The following DCC variants were observed in gnomAD, a reference collection of about 807,000 sequenced individuals.
DCC encodes the protein netrin receptor DCC.
In DCC, 58 loss-of-function variants were observed where a neutral mutation model predicts 172.5. The observed-to-expected ratio is 0.34, with a 90% confidence interval of 0.27 to 0.42. The LOEUF is 0.42. Ranked by LOEUF, DCC falls within the 10% of genes least tolerant of loss-of-function variation. The pLI is 1.00. For missense variants in DCC, 1,740 were observed against 1,791.0 expected (o/e 0.97, Z 0.51); for synonymous variants, 709 against 644.5 (o/e 1.10, Z -1.52).
At chr18:52,787,990 A>T (rs1045258775) in intron 2 of DCC, among the ~76,000 whole-genome samples, 2 of 152,154 alleles carry the variant, frequency 1.3e-5, no homozygotes, top group African/African-American at 4.8e-5. Flanking sequence ...CAAGCCTTTT[A>T]TAACTGCTTT....
chr18:53,054,725 G>A (rs974576087), intron 5 of DCC, among the ~76,000 whole-genome samples: 2 of 152,022 alleles, frequency 1.3e-5, no homozygotes, highest in African/African-American at 2.4e-5. Context: ...ATCTAGAATC[G>A]TTTCCTAGCA....
At chr18:53,526,523 C>A (rs2046457176) in intron 27 of DCC, 94 bp from the exon 28 acceptor site, 12 of 1,328,430 alleles carry the variant, frequency 9.0e-6, no homozygotes, top group Non-Finnish European at 1.3e-5. Context: ...AACCTAAAAT[C>A]AATGCCAATC....
chr18:53,223,500 T>A (rs1215295796), intron 12 of DCC, among the ~76,000 whole-genome samples: 2 of 152,238 alleles, frequency 1.3e-5, no homozygotes, highest in East Asian at 3.9e-4. Flanking sequence ...CCTCAAGTCA[T>A]ACATTTTTGA....
chr18:53,063,516 T>TC, intron 6 of DCC, 57 bp downstream of exon 6: 2 of 1,388,142 alleles, frequency 1.4e-6, no homozygotes, highest in East Asian at 4.6e-5. Flanking sequence ...TCTATTTTTT[T>TC]CACTTGTTTT....
intron 12 of DCC, among the ~76,000 whole-genome samples, chr18:53,275,625 C>T (rs1454307941): frequency 6.6e-6 from 1 of 151,856 alleles, no homozygotes. Context: ...CATGGCTACT[C>T]TGAGAAATTG....
At chr18:52,709,887 A>C (rs1488131252) in intron 1 of DCC, among the ~76,000 whole-genome samples, 1 of 152,254 alleles carries the variant, frequency 6.6e-6, no homozygotes, top group African/African-American at 2.4e-5. Context: ...TAAGATTTTT[A>C]ATAGCAGTGA....
intron 1 of DCC, among the ~76,000 whole-genome samples, chr18:52,591,285 T>C (rs924429868): frequency 6.6e-6 from 1 of 152,150 alleles, no homozygotes; most frequent in Middle Eastern, 3.2e-3. Context: ...TAATCTTTAC[T>C]ACAATTAAAA....
chr18:53,337,855 AAAATG>A (rs560349826), intron 14 of DCC, among the ~76,000 whole-genome samples: 121 of 152,324 alleles, frequency 7.9e-4, no homozygotes, highest in African/African-American at 2.8e-3. Flanking sequence ...ATTAAGGAGA[AAAATG>A]TAATATTACC....
intron 15 of DCC, among the ~76,000 whole-genome samples, chr18:53,354,283 T>C (rs1201472796): frequency 1.3e-5 from 2 of 152,220 alleles, no homozygotes; most frequent in East Asian, 1.9e-4. Context: ...TACCCAGTAA[T>C]GGGATGGCTG....
chr18:53,120,946 T>C (rs970878572), intron 7 of DCC, among the ~76,000 whole-genome samples: 2 of 151,902 alleles, frequency 1.3e-5, no homozygotes, highest in African/African-American at 4.8e-5. Context: ...AGTAAGACTA[T>C]GATGATTAAT....
chr18:52,557,045 A>G (rs2144733020), intron 1 of DCC, among the ~76,000 whole-genome samples: 1 of 152,340 alleles, frequency 6.6e-6, no homozygotes, highest in South Asian at 2.1e-4. Context: ...TTAAGTTACA[A>G]TCAGCTCAAA....
At chr18:53,491,309 T>C (rs1256996100) in intron 26 of DCC, among the ~76,000 whole-genome samples, 1 of 152,130 alleles carries the variant, frequency 6.6e-6, no homozygotes, top group South Asian at 2.1e-4. Context: ...GAGACCAAAT[T>C]TCAAAAGACT....
intron 1 of DCC, among the ~76,000 whole-genome samples, chr18:52,519,747 G>A (rs1388457302): frequency 1.3e-5 from 2 of 152,192 alleles, no homozygotes; most frequent in Non-Finnish European, 2.9e-5. Context: ...AACTGAGGAT[G>A]GAAATAATAG....
intron 12 of DCC, among the ~76,000 whole-genome samples, chr18:53,273,191 T>G (rs1256821591): frequency 1.3e-5 from 2 of 152,158 alleles, no homozygotes; most frequent in Non-Finnish European, 2.9e-5. Flanking sequence ...ACAATCTCAT[T>G]TACTCCCATG....
At chr18:52,682,563 GA>G (rs2035766067) in intron 1 of DCC, among the ~76,000 whole-genome samples, 1 of 152,070 alleles carries the variant, frequency 6.6e-6, no homozygotes, top group African/African-American at 2.4e-5. Context: ...GCATTACAGG[GA>G]AGTCATACAT....
intron 12 of DCC, among the ~76,000 whole-genome samples, chr18:53,260,677 C>G (rs1447442616): frequency 6.6e-6 from 1 of 152,188 alleles, no homozygotes; most frequent in Non-Finnish European, 1.5e-5. Flanking sequence ...GGCAGCCTGT[C>G]CATTGTCAGA....
At chr18:53,246,529 AAAAAACAGGTGAATT>A (rs2144648880) in intron 12 of DCC, among the ~76,000 whole-genome samples, 1 of 152,122 alleles carries the variant, frequency 6.6e-6, no homozygotes. Context: ...GTGAAGAAAA[AAAAAACAGGTGAATT>A]AAAAGTAAAA....
At position 52,594,395 on chromosome 18, in the gene DCC, T is replaced by C. The variant is rs554578597; in HGVS notation, c.92-157659T>C. Among the ~76,000 whole-genome samples, 9 of 152,330 alleles carry C rather than the reference T, an allele frequency of 5.9e-5. No homozygotes were observed. The South Asian group carries it at 1.7e-3, about 28-fold the overall frequency. ...TGAGTCCTCCTCTTAGTTTTGGCTATTGATGCCTCTCCCCTTCATGTCTGG... is the reference window on the plus strand; with the variant it reads ...TGAGTCCTCCTCTTAGTTTTGGCTACTGATGCCTCTCCCCTTCATGTCTGG... On this transcript the variant is annotated intron_variant, in intron 1 of 28. Transcript: ENST00000442544.
intron 12 of DCC, among the ~76,000 whole-genome samples, chr18:53,264,476 C>CAAA (rs935972832): frequency 0.076 from 3,468 of 45,778 alleles, 222 homozygotes; most frequent in African/African-American, 0.22. Context: ...AACTCCGTCT[C>CAAA]AAAAAAAAAA....
Sources: allele counts gnomAD v4.1 joint callset (sites outside exome capture counted in the v4.1 genomes callset), GRCh38; gene constraint gnomAD v4.1.1; transcripts MANE v1.5; gene names NCBI Gene and HGNC (gene_info 2026-07-23, HGNC 2026-07-21).